Variants in CAMK1D observed in about 807,000 individuals in gnomAD.
CAMK1D encodes the protein calcium/calmodulin dependent protein kinase ID.
In CAMK1D, 9 loss-of-function variants were observed where a neutral mutation model predicts 47.7. That is an observed-to-expected ratio of 0.19 (90% CI 0.11 to 0.33). The LOEUF is 0.33. CAMK1D is among the 10% of genes least tolerant of loss of function. CAMK1D has a pLI of 1.00. For synonymous variants in CAMK1D, 184 were observed against 184.9 expected, an observed-to-expected ratio of 0.99 and a Z score of 0.04; for missense variants, 291 against 488.7, an observed-to-expected ratio of 0.60 and a Z score of 3.81.
At chr10:12,648,603 T>C (rs1839875175) in intron 2 of CAMK1D, among the ~76,000 whole-genome samples, 1 of 152,196 alleles carries the variant, frequency 6.6e-6, no homozygotes, top group Non-Finnish European at 1.5e-5. Context: ...CCCAAGTAGC[T>C]GGGATTACAG....
intron 3 of CAMK1D, among the ~76,000 whole-genome samples, chr10:12,693,991 A>C (rs1303753604): frequency 1.4e-5 from 1 of 71,738 alleles, no homozygotes; most frequent in African/African-American, 5.4e-5. Flanking sequence ...TTATATATAC[A>C]TATAATATAT....
At chr10:12,411,181 G>A (rs1184586933) in intron 1 of CAMK1D, among the ~76,000 whole-genome samples, 1 of 152,188 alleles carries the variant, frequency 6.6e-6, no homozygotes, top group Non-Finnish European at 1.5e-5. Context: ...TCCCTGGGAC[G>A]GGACGACCTC....
At chr10:12,825,060 G>A (rs1307995652) in intron 9 of CAMK1D, among the ~76,000 whole-genome samples, 2 of 23,642 alleles carry the variant, frequency 8.5e-5, no homozygotes, top group East Asian at 1.1e-3. Flanking sequence ...AGGGCCAATG[G>A]TGAAAGATGA....
intron 2 of CAMK1D, among the ~76,000 whole-genome samples, chr10:12,624,374 T>C (rs1839140165): frequency 6.6e-6 from 1 of 152,184 alleles, no homozygotes; most frequent in Non-Finnish European, 1.5e-5. Context: ...CAACTAAAAC[T>C]TTATGATGTT....
At chr10:12,441,283 C>T (rs2724767) in intron 1 of CAMK1D, among the ~76,000 whole-genome samples, 102,421 of 151,934 alleles carry the variant, frequency 0.67, 35,047 homozygotes, top group Middle Eastern at 0.76. Context: ...CTGCAGCCTC[C>T]ATCTGCTGGG....
chr10:12,643,431 G>A (rs1839721900), intron 2 of CAMK1D, among the ~76,000 whole-genome samples: 1 of 152,156 alleles, frequency 6.6e-6, no homozygotes. Context: ...GCAGGTGAGT[G>A]GGCGAAGCTG....
rs879586009 is a variant in CAMK1D, at chr10:12,547,648, C to CG, written c.93-5577_93-5576insG. Among the ~76,000 whole-genome samples the CG allele has an allele frequency of 2.3e-3, 236 of 101,098 alleles. 3 individuals are homozygous for CG. The highest frequency in any genetic ancestry group is 3.1e-3 in the Non-Finnish European group (157 of 50,768). The allele number at this position is 101,098 out of a possible 152,430, so 66.3% of individuals were successfully genotyped here. A position where few individuals can be genotyped will look rare whatever the true frequency, so the allele number is the denominator to read the frequency against. On this transcript the variant is annotated intron_variant, in intron 1 of 10. Coordinates refer to ENST00000619168, the MANE Select transcript of CAMK1D (RefSeq NM_153498.4). Reference sequence around the variant, plus strand: ...TTCCTGTCACGAGGACACCCCCCCCCCAACCCTGCACTCTCTCTCTCTCTT... The same window carrying CG: ...TTCCTGTCACGAGGACACCCCCCCCCGCAACCCTGCACTCTCTCTCTCTCTT...
At chr10:12,658,803 G>T (rs1360952868) in intron 2 of CAMK1D, among the ~76,000 whole-genome samples, 7 of 151,948 alleles carry the variant, frequency 4.6e-5, no homozygotes, top group Non-Finnish European at 1.5e-5. Flanking sequence ...TTCCCCTTCT[G>T]GCCTCCCCTT....
intron 4 of CAMK1D, 82 bp downstream of exon 4, chr10:12,761,168 G>A (rs1473257808): frequency 1.3e-6 from 2 of 1,504,570 alleles, no homozygotes; most frequent in African/African-American, 2.8e-5. Flanking sequence ...GCCAGTGGGG[G>A]CATGCAGCTG....
intron 1 of CAMK1D, among the ~76,000 whole-genome samples, chr10:12,500,423 G>A (rs1834666064): frequency 6.6e-6 from 1 of 152,200 alleles, no homozygotes. Flanking sequence ...GTGAGACATA[G>A]CATTGCCCAG....
At chr10:12,541,177 G>A (rs79486073) in intron 1 of CAMK1D, among the ~76,000 whole-genome samples, 6,378 of 152,026 alleles carry the variant, frequency 0.042, 221 homozygotes, top group East Asian at 0.17. Context: ...GCTTTTCTTC[G>A]GTCAGTGTGC....
At chr10:12,353,289 T>C (rs1046099019) in intron 1 of CAMK1D, among the ~76,000 whole-genome samples, 2 of 152,218 alleles carry the variant, frequency 1.3e-5, no homozygotes, top group African/African-American at 4.8e-5. Context: ...ACTTTCTCCC[T>C]ACGTCTTTAA....
chr10:12,715,177 C>T (rs1350933474), intron 3 of CAMK1D, among the ~76,000 whole-genome samples: 1 of 152,184 alleles, frequency 6.6e-6, no homozygotes, highest in Admixed American at 6.6e-5. Context: ...TCAGCTACCA[C>T]GTATGAGTCG....
chr10:12,666,821 T>C lies in CAMK1D; in HGVS notation c.299+11T>C, dbSNP rs759171047. 13 of 1,606,364 alleles carry C rather than the reference T, an allele frequency of 8.1e-6. No individual in the cohort carries two copies. The highest frequency in any genetic ancestry group is 1.1e-5 in the Non-Finnish European group (13 of 1,173,250). On this transcript the variant is annotated intron_variant, in intron 3 of 10. Coordinates refer to ENST00000619168, the MANE Select transcript of CAMK1D (RefSeq NM_153498.4). The stretch of plus-strand genomic sequence containing the variant: ...CTTGGTCATGCAGCTGTAAGTACCT[T>C]GTTTGATTGATGAGTTTTGAACCAA...
chr10:12,769,390 C>T (rs1376122651), intron 4 of CAMK1D, among the ~76,000 whole-genome samples: 3 of 152,228 alleles, frequency 2.0e-5, no homozygotes, highest in Admixed American at 6.5e-5. Flanking sequence ...GCAAAGCAAT[C>T]GGCTTTCTAG....
At chr10:12,441,650 T>G (rs978804877) in intron 1 of CAMK1D, among the ~76,000 whole-genome samples, 29 of 151,998 alleles carry the variant, frequency 1.9e-4, no homozygotes, top group African/African-American at 6.8e-4. Flanking sequence ...CTGCCTCTAC[T>G]TAAAAAAAAA....
intron 1 of CAMK1D, among the ~76,000 whole-genome samples, chr10:12,485,897 C>T (rs1433295738): frequency 6.6e-6 from 1 of 152,162 alleles, no homozygotes; most frequent in Non-Finnish European, 1.5e-5. Flanking sequence ...CCAAATTCAG[C>T]CCAGAGTGAG....
chr10:12,745,316 C>T (rs1835620283), intron 3 of CAMK1D, among the ~76,000 whole-genome samples: 1 of 152,160 alleles, frequency 6.6e-6, no homozygotes. Context: ...AGGTGTGAGC[C>T]ACCGTGCCCA....
At chr10:12,789,071 A>G (rs1437630182) in intron 5 of CAMK1D, among the ~76,000 whole-genome samples, 1 of 152,226 alleles carries the variant, frequency 6.6e-6, no homozygotes, top group Non-Finnish European at 1.5e-5. Flanking sequence ...TTTACTGTCA[A>G]TAGGATGAAA....
Sources: allele counts gnomAD v4.1 joint callset (sites outside exome capture counted in the v4.1 genomes callset), GRCh38; gene constraint gnomAD v4.1.1; transcripts MANE v1.5; gene names NCBI Gene and HGNC (gene_info 2026-07-23, HGNC 2026-07-21).